Variants in ANXA2 observed in about 807,000 individuals in gnomAD.
ANXA2 encodes the protein annexin A2, also known as annexin II.
A neutral mutation model predicts 47.3 loss-of-function variants in ANXA2; 28 were observed. The observed-to-expected ratio is 0.59, with a 90% CI of 0.44 to 0.81. The LOEUF is 0.81. Ranked by LOEUF, ANXA2 falls within the 40% of genes least tolerant of loss-of-function variation. The pLI is 0.00. For synonymous variants in ANXA2, 172 were observed against 155.5 expected, an observed-to-expected ratio of 1.11 and a Z score of -0.79; for missense variants, 384 against 414.3, an observed-to-expected ratio of 0.93 and a Z score of 0.64.
At chr15:60,357,366 T>G in intron 5 of ANXA2, 130 bp from the exon 6 acceptor site, 1 of 654,392 alleles carries the variant, frequency 1.5e-6, no homozygotes, top group East Asian at 2.8e-5. Flanking sequence ...ACATTCCTTC[T>G]GAAGAATCTA....
At chr15:60,383,634 T>G (rs572311517) in intron 2 of ANXA2, 2 of 152,254 alleles carry the variant, frequency 1.3e-5, no homozygotes, top group African/African-American at 4.8e-5. Flanking sequence ...AGGATGTACA[T>G]TGTGGTTGTG....
rs1474730718 is a variant in ANXA2 at position 60,349,285 on chromosome 15, A to G, written c.838-88T>C. 7 of 1,481,136 alleles carry G rather than the reference A, an allele frequency of 4.7e-6. No individual in the cohort carries two copies. The Admixed American group carries it at 1.4e-4, about 29-fold the overall frequency. 91.7% of individuals were successfully genotyped at this position (1,481,136 alleles called of 1,614,324 possible). A position where few individuals can be genotyped will look rare whatever the true frequency, so the allele number is the denominator to read the frequency against. On this transcript the variant is annotated intron_variant, in intron 11 of 12. Coordinates refer to ENST00000451270, the MANE Select transcript of ANXA2 (RefSeq NM_004039.3). ...CAGGTTGAGCATCCCTGATCTGAAA[A>G]TCTGAAATCTAAAATGCTCCAAAAT... is the stretch of plus-strand genomic sequence containing the variant.
chr15:60,370,525 G>C (rs1207231144), intron 3 of ANXA2, among the ~76,000 whole-genome samples: 7 of 152,192 alleles, frequency 4.6e-5, no homozygotes, highest in African/African-American at 1.7e-4. Context: ...AATTGGTGAG[G>C]CCATTTATTC....
chr15:60,365,792 G>A (rs2062586464), intron 3 of ANXA2, among the ~76,000 whole-genome samples: 1 of 151,192 alleles, frequency 6.6e-6, no homozygotes. Context: ...TTTTAGAGTA[G>A]CCAAGGTAAA....
intron 2 of ANXA2, 198 bp downstream of exon 2, chr15:60,385,829 GA>G: frequency 2.0e-6 from 1 of 511,196 alleles, no homozygotes; most frequent in South Asian, 3.3e-5. Context: ...GTGAGGCCAA[GA>G]AAAGTTTCCA....
intron 3 of ANXA2, chr15:60,374,487 C>T (rs4775262): frequency 0.099 from 45,219 of 455,906 alleles, 2,895 homozygotes; most frequent in East Asian, 0.21. Flanking sequence ...TTGCTGACAC[C>T]AGATTAGAAT....
intron 2 of ANXA2, chr15:60,385,738 C>A (rs1194362166): frequency 6.1e-6 from 2 of 328,872 alleles, no homozygotes; most frequent in Non-Finnish European, 5.6e-6. Context: ...ACCATCATAA[C>A]AGTTATTACC....
At chr15:60,394,986 C>G (rs1244141885) in intron 1 of ANXA2, among the ~76,000 whole-genome samples, 2 of 148,302 alleles carry the variant, frequency 1.3e-5, no homozygotes, top group South Asian at 2.1e-4. Flanking sequence ...GAAGAGGATT[C>G]TCATGTGAAA....
chr15:60,356,333 T>C (rs1016230494), intron 6 of ANXA2, among the ~76,000 whole-genome samples: 7 of 151,832 alleles, frequency 4.6e-5, no homozygotes, highest in African/African-American at 1.7e-4. Context: ...ATCAAAAAAA[T>C]TGGAGGTCTA....
At position 60,397,933 on chromosome 15, in the gene ANXA2, C is replaced by T. The variant is rs1468970114; in HGVS notation, c.-12+10G>A. 3.8e-6 allele frequency: 5 copies of T among 1,319,242 alleles called. No homozygotes were observed. Among genetic ancestry groups the T allele is most frequent in the Non-Finnish European group, 4.8e-6 (5 of 1,033,698 alleles). 81.7% of individuals were successfully genotyped at this position (1,319,242 alleles called of 1,614,324 possible). On this transcript the variant is annotated intron_variant, in intron 1 of 12. Transcript: ENST00000451270. ...GCCCATCGCGGGCGGGCAGGGCGCG[C>T]CCCGCTTACCTGGGCCGTGCGCCGA... is the stretch of plus-strand genomic sequence containing the variant.
intron 1 of ANXA2, among the ~76,000 whole-genome samples, chr15:60,388,955 A>C (rs141925495): frequency 5.9e-5 from 9 of 151,804 alleles, no homozygotes; most frequent in Non-Finnish European, 1.0e-4. Flanking sequence ...CCAGGCTGAC[A>C]GTCTTCTTGA....
At position 60,358,843 on chromosome 15, in the gene ANXA2, T is replaced by G. The variant is rs151196031; in HGVS notation, c.358-1607A>C. Among the ~76,000 whole-genome samples, 80 of 152,374 alleles carry G rather than the reference T, an allele frequency of 5.3e-4. 1 individual carries two copies. The East Asian group carries it at 0.01, about 20-fold the overall frequency. On this transcript the variant is annotated intron_variant, in intron 5 of 12. Transcript: ENST00000451270. Reference sequence around the variant, plus strand: ...GGAGAAATGTTATATCCTGACATTGTAGAATTGCAAGACAGGCAGAATAAT... The same window carrying G: ...GGAGAAATGTTATATCCTGACATTGGAGAATTGCAAGACAGGCAGAATAAT...
chr15:60,393,571 T>C, intron 1 of ANXA2: 2 of 985,488 alleles, frequency 2.0e-6, no homozygotes, highest in South Asian at 4.7e-5. Context: ...ACTGGACTGT[T>C]AACTCTTCTC....
chr15:60,360,538 G>A (rs1469294626), intron 5 of ANXA2, among the ~76,000 whole-genome samples: 5 of 152,200 alleles, frequency 3.3e-5, no homozygotes, highest in Non-Finnish European at 5.9e-5. Flanking sequence ...GAGAGAGTAT[G>A]GGAGGAAGAA....
At chr15:60,397,444 G>GCAC in intron 1 of ANXA2, 1 of 498,762 alleles carries the variant, frequency 2.0e-6, no homozygotes, top group East Asian at 1.3e-4. Context: ...CTTCCCTCCT[G>GCAC]CTGGTCGGTT....
At chr15:60,354,474 T>A (rs1351004638) in intron 7 of ANXA2, among the ~76,000 whole-genome samples, 10 of 151,734 alleles carry the variant, frequency 6.6e-5, no homozygotes, top group Non-Finnish European at 1.3e-4. Context: ...ACCCTGTCTC[T>A]ACTAAATTAG....
chr15:60,356,453 T>A (rs1313805937), intron 6 of ANXA2, among the ~76,000 whole-genome samples: 3 of 152,146 alleles, frequency 2.0e-5, no homozygotes, highest in Non-Finnish European at 4.4e-5. Context: ...TATATTTCAA[T>A]ATTCAAAATA....
intron 2 of ANXA2, chr15:60,384,681 A>C (rs1397419466): frequency 6.6e-6 from 1 of 152,224 alleles, no homozygotes; most frequent in Non-Finnish European, 1.5e-5. Context: ...ACACGTTTCA[A>C]GAAGAAAAAA....
Position 60,382,070 on chromosome 15 carries a change from GAGGAAGGA to G in ANXA2, c.148+264_148+271del, listed in dbSNP as rs1194578648. ...AAGGGAGGGGAGGGAGGGAGGGAGGGAGGAAGGAAGGAAGAGCAGGAAGAAGGGAGAAA... is the reference window on the plus strand; with the variant it reads ...AAGGGAGGGGAGGGAGGGAGGGAGGGAGGAAGAGCAGGAAGAAGGGAGAAA... On this transcript the variant is annotated intron_variant, in intron 3 of 12. Coordinates refer to ENST00000451270, the MANE Select transcript of ANXA2 (RefSeq NM_004039.3). Among the ~76,000 whole-genome samples the G allele has an allele frequency of 4.7e-3, 608 of 129,696 alleles. 3 individuals are homozygous for G. The highest frequency in any genetic ancestry group is 8.1e-3 in the Non-Finnish European group (483 of 59,412). The allele number at this position is 129,696 out of a possible 152,430, so 85.1% of individuals were successfully genotyped here.
Sources: gnomAD v4.1 joint callset for allele counts (sites outside exome capture counted in the v4.1 genomes callset) on GRCh38, gnomAD v4.1.1 for gene constraint, MANE v1.5 for transcripts, NCBI Gene and HGNC (gene_info 2026-07-23, HGNC 2026-07-21) for gene names.